The following NCOA2 variants were observed in gnomAD, a reference collection of about 807,000 sequenced individuals.
NCOA2 encodes class E basic helix-loop-helix protein 75.
NCOA2 carries 21 observed loss-of-function variants against 145.1 expected under a neutral mutation model. The ratio of observed to expected loss-of-function variants is 0.14; its 90% confidence interval spans 0.10 to 0.21. NCOA2 has a LOEUF of 0.21. Among genes scored for constraint, NCOA2 ranks in the 10% least tolerant of loss-of-function variants. NCOA2 has a pLI of 1.00. For synonymous variants in NCOA2, 619 were observed against 637.5 expected, an observed-to-expected ratio of 0.97 and a Z score of 0.44; for missense variants, 1,472 against 1,837.6, an observed-to-expected ratio of 0.80 and a Z score of 3.64.
chr8:70,197,644 A>G (rs1817470436), intron 4 of NCOA2, among the ~76,000 whole-genome samples: 2 of 152,208 alleles, frequency 1.3e-5, no homozygotes, highest in Non-Finnish European at 2.9e-5. Flanking sequence ...CACCATGTTT[A>G]AATATAATTA....
At chr8:70,360,762 A>G (rs968352193) in intron 1 of NCOA2, among the ~76,000 whole-genome samples, 5 of 152,036 alleles carry the variant, frequency 3.3e-5, no homozygotes, top group African/African-American at 1.2e-4. Context: ...ACATGGTGAA[A>G]CCACATCTCT....
intron 2 of NCOA2, among the ~76,000 whole-genome samples, chr8:70,226,388 G>C: frequency 6.6e-6 from 1 of 151,906 alleles, no homozygotes; most frequent in Non-Finnish European, 1.5e-5. Flanking sequence ...AAAGTAACCT[G>C]CTCTTTGGAA....
intron 2 of NCOA2, among the ~76,000 whole-genome samples, chr8:70,295,387 A>G (rs2135729644): frequency 6.6e-6 from 1 of 152,304 alleles, no homozygotes; most frequent in Admixed American, 6.5e-5. Flanking sequence ...TAAATATACC[A>G]CAAAACACAT....
At chr8:70,426,500 C>T in the NCOA2 span, among the ~76,000 whole-genome samples, 2 of 152,102 alleles carry the variant, frequency 1.3e-5, no homozygotes, top group Non-Finnish European at 2.9e-5. Flanking sequence ...GACTAAAAGA[C>T]CAGCAGAAAA....
chr8:70,294,106 A>T (rs978808982), intron 2 of NCOA2, among the ~76,000 whole-genome samples: 1 of 152,142 alleles, frequency 6.6e-6, no homozygotes, highest in African/African-American at 2.4e-5. Context: ...TGTCCTACTC[A>T]GCTTTGAAAA....
chr8:70,139,554 A>G (rs531420891), intron 14 of NCOA2, among the ~76,000 whole-genome samples: 3 of 152,268 alleles, frequency 2.0e-5, no homozygotes, highest in Admixed American at 1.3e-4. Context: ...ACAATAAGCC[A>G]AAATATGCTG....
chr8:70,442,447 A>G, the NCOA2 span, among the ~76,000 whole-genome samples: 11 of 152,360 alleles, frequency 7.2e-5, no homozygotes, highest in African/African-American at 2.6e-4. Flanking sequence ...TGGAGACAAA[A>G]ATAGTCACCA....
chr8:70,441,433 A>G, the NCOA2 span, among the ~76,000 whole-genome samples: 1 of 150,594 alleles, frequency 6.6e-6, no homozygotes, highest in Non-Finnish European at 1.5e-5. Flanking sequence ...GAGGGAGAAG[A>G]GAAAGAAAAA....
intron 1 of NCOA2, among the ~76,000 whole-genome samples, chr8:70,318,952 CCA>C (rs770998312): frequency 7.9e-5 from 12 of 152,114 alleles, no homozygotes; most frequent in Non-Finnish European, 1.6e-4. Context: ...AAATTTTAGT[CCA>C]CAGTCTCTAT....
intron 4 of NCOA2, 132 bp from the exon 5 acceptor site, chr8:70,174,991 C>T (rs1262189043): frequency 9.1e-6 from 7 of 770,952 alleles, no homozygotes; most frequent in Non-Finnish European, 1.5e-5. Flanking sequence ...AGTTACAGTA[C>T]ATCCCTGTTG....
intron 4 of NCOA2, among the ~76,000 whole-genome samples, chr8:70,179,726 C>T (rs1240231796): frequency 6.6e-6 from 1 of 152,002 alleles, no homozygotes; most frequent in Non-Finnish European, 1.5e-5. Flanking sequence ...ACAAAAATAT[C>T]CTTCAGTAAA....
chr8:70,309,071 T>C (rs1189920890), intron 1 of NCOA2, among the ~76,000 whole-genome samples: 1 of 152,182 alleles, frequency 6.6e-6, no homozygotes, highest in Non-Finnish European at 1.5e-5. Context: ...GCTACGTATG[T>C]ATGACTGCCT....
At chr8:70,348,978 G>A (rs911724750) in intron 1 of NCOA2, among the ~76,000 whole-genome samples, 5 of 137,944 alleles carry the variant, frequency 3.6e-5, no homozygotes, top group Non-Finnish European at 7.7e-5. Context: ...AGAAGAGAGG[G>A]AAAAAATTGA....
At chr8:70,291,089 T>C (rs1405795362) in intron 2 of NCOA2, among the ~76,000 whole-genome samples, 2 of 152,180 alleles carry the variant, frequency 1.3e-5, no homozygotes, top group Non-Finnish European at 2.9e-5. Context: ...AGCTAACAAC[T>C]GTACCACCCA....
chr8:70,292,721 G>A lies in NCOA2; in HGVS notation c.-20+4023C>T, dbSNP rs1240146720. ...AGCCTAGGCTAGGGATGGCCTAAGGGTAAAAGGAAGTCAGGAAGAGAGAAA... is the reference window on the plus strand; with the variant it reads ...AGCCTAGGCTAGGGATGGCCTAAGGATAAAAGGAAGTCAGGAAGAGAGAAA... On this transcript the variant is annotated intron_variant, in intron 2 of 22. Coordinates refer to ENST00000452400, the MANE Select transcript of NCOA2 (RefSeq NM_006540.4). Among the ~76,000 whole-genome samples the A allele has an allele frequency of 5.9e-5, 9 of 152,330 alleles. No individual in the cohort carries two copies. The South Asian group carries it at 1.7e-3, about 28-fold the overall frequency.
At chr8:70,201,524 G>A (rs1159334648) in intron 4 of NCOA2, among the ~76,000 whole-genome samples, 1 of 152,114 alleles carries the variant, frequency 6.6e-6, no homozygotes, top group African/African-American at 2.4e-5. Context: ...TCAGGGATGG[G>A]GATGATAAGA....
At chr8:70,415,557 A>G in the NCOA2 span, among the ~76,000 whole-genome samples, 7 of 152,212 alleles carry the variant, frequency 4.6e-5, no homozygotes, top group Non-Finnish European at 7.4e-5. Flanking sequence ...GGAATTTTAC[A>G]GCAATCAAAG....
At chr8:70,434,873 A>G in the NCOA2 span, among the ~76,000 whole-genome samples, 10 of 152,178 alleles carry the variant, frequency 6.6e-5, no homozygotes, top group South Asian at 2.1e-4. Flanking sequence ...ATGACAACAC[A>G]TATGCTAATG....
At chr8:70,134,634 C>T (rs1809522447) in intron 15 of NCOA2, among the ~76,000 whole-genome samples, 1 of 152,184 alleles carries the variant, frequency 6.6e-6, no homozygotes, top group Non-Finnish European at 1.5e-5. Context: ...CAGGCACTGT[C>T]TCGTGCCTTT....
Sources: gnomAD v4.1 joint callset for allele counts (sites outside exome capture counted in the v4.1 genomes callset) on GRCh38, gnomAD v4.1.1 for gene constraint, MANE v1.5 for transcripts, NCBI Gene and HGNC (gene_info 2026-07-23, HGNC 2026-07-21) for gene names.